The following UROS variants were observed in gnomAD, a reference collection of about 807,000 sequenced individuals.
UROS encodes the protein uroporphyrinogen-III synthase.
UROS carries 18 observed loss-of-function variants against 33.0 expected under a neutral mutation model. The ratio of observed to expected loss-of-function variants is 0.55; its 90% CI spans 0.38 to 0.81. The LOEUF is 0.81. Among genes scored for constraint, UROS ranks in the 30% least tolerant of loss-of-function variants. UROS has a pLI of 0.00. For synonymous variants in UROS, 114 were observed against 121.1 expected (o/e 0.94, Z 0.38); for missense variants, 293 against 314.9 (o/e 0.93, Z 0.53).
At chr10:125,797,988 C>A in intron 7 of UROS, 77 bp downstream of exon 7, 2 of 1,547,822 alleles carry the variant, frequency 1.3e-6, no homozygotes, top group Non-Finnish European at 1.8e-6. Context: ...CTCTGCAGGG[C>A]CACCCACTTC....
chr10:125,796,548 C>T lies in UROS; in HGVS notation c.476-360G>A, dbSNP rs560630109. Among the ~76,000 whole-genome samples the T allele has an allele frequency of 7.9e-5, 12 of 152,352 alleles. No individual in the cohort carries two copies. In the South Asian group the frequency reaches 2.5e-3, roughly 32 times the overall value. ...GATCCCACACAGACTGGTTGCATGACACCAGCAAGTGTAGGAAGGGCAGCT... is the reference window on the plus strand; with the variant it reads ...GATCCCACACAGACTGGTTGCATGATACCAGCAAGTGTAGGAAGGGCAGCT... On this transcript the variant is annotated intron_variant, in intron 7 of 9. Transcript: ENST00000368797.
In UROS at chr10:125,790,846, T is replaced by C. The variant is rs554300335; in HGVS notation, c.661-1841A>G. Among the ~76,000 whole-genome samples the C allele has an allele frequency of 1.3e-3, 195 of 148,490 alleles. 1 individual carries two copies. The highest frequency in any genetic ancestry group is 4.7e-3 in the African/African-American group (187 of 40,152). On this transcript the variant is annotated intron_variant, in intron 9 of 9. Coordinates refer to ENST00000368797, the MANE Select transcript of UROS (RefSeq NM_000375.3). ...TGGCTCATGCCTGTAATACCAACAC[T>C]TTGGCAGGCCGAGGTGGGCAGATCA...
At chr10:125,791,933 T>A (rs917601313) in intron 9 of UROS, 4 of 152,096 alleles carry the variant, frequency 2.6e-5, no homozygotes, top group Non-Finnish European at 5.9e-5. Flanking sequence ...ATAAAAATCA[T>A]GTTAAAGTTT....
At chr10:125,821,742 T>G (rs77812777) in intron 1 of UROS, among the ~76,000 whole-genome samples, 6,464 of 152,322 alleles carry the variant, frequency 0.042, 462 homozygotes, top group African/African-American at 0.14. Context: ...TTTTCTAATC[T>G]TAGCCTTTTG....
rs1392052109 is a variant in UROS, at chr10:125,802,649, C to G, written c.395-4504G>C. 2.5e-6 allele frequency: 3 copies of G among 1,188,550 alleles called. No homozygotes were observed. In the African/African-American group the frequency reaches 4.7e-5, roughly 19 times the overall value. 73.6% of individuals were successfully genotyped at this position (1,188,550 alleles called of 1,614,324 possible). On this transcript the variant is annotated intron_variant, in intron 6 of 9. Transcript: ENST00000368797. The stretch of plus-strand genomic sequence containing the variant: ...AACACTTTCTACCACAGATTACAGT[C>G]TCCTGAACTGTATGTTTTTAGCTTG...
chr10:125,803,020 T>C, intron 6 of UROS: 1 of 1,612,948 alleles, frequency 6.2e-7, no homozygotes, highest in Admixed American at 1.7e-5. Flanking sequence ...CTTTGACTTC[T>C]TCACCTGAGG....
chr10:125,788,889 G>A lies in UROS; in HGVS notation c.777C>T (p.Leu259=). The A allele has an allele frequency of 6.3e-7, 1 of 1,597,372 alleles. No individual in the cohort carries two copies. The part of the protein sequence containing the change: ...QALATGIRKA[L]QPHGCC ...TGACTCAGCAGCAGCCATGGGGCTG[G>A]AGAGCCTTCCTGATGCCAGTGGCCA... Residue 259 remains leucine (L), a synonymous_variant, in exon 10 of 10, where the codon CTC becomes CTT. Coordinates refer to ENST00000368797, the MANE Select transcript of UROS (RefSeq NM_000375.3).
At chr10:125,816,347 T>C in intron 2 of UROS, 87 bp from the exon 3 acceptor site, 1 of 1,602,678 alleles carries the variant, frequency 6.2e-7, no homozygotes, top group Non-Finnish European at 8.5e-7. Flanking sequence ...TCAGTTCCTC[T>C]GAGGTTTTGC....
chr10:125,821,350 CT>C (rs796797137), intron 1 of UROS, among the ~76,000 whole-genome samples: 107 of 152,282 alleles, frequency 7.0e-4, no homozygotes, highest in African/African-American at 2.4e-3. Context: ...ATGGGATAAA[CT>C]TTGAAGACAT....
intron 6 of UROS, among the ~76,000 whole-genome samples, chr10:125,798,537 C>T (rs916877155): frequency 1.3e-5 from 2 of 152,204 alleles, no homozygotes; most frequent in Non-Finnish European, 2.9e-5. Context: ...CTGGGGCAAA[C>T]ATTTTCTACC....
chr10:125,785,210 C>G (rs1466724698), downstream of UROS: 1 of 152,180 alleles, frequency 6.6e-6, no homozygotes, highest in African/African-American at 2.4e-5. Context: ...CTTTCTTTCC[C>G]CAATGTCATC....
chr10:125,811,620 A>C (rs1433319436), intron 5 of UROS, among the ~76,000 whole-genome samples: 3 of 152,232 alleles, frequency 2.0e-5, no homozygotes, highest in African/African-American at 7.2e-5. Context: ...AATATTTTCA[A>C]ATTCACTGGA....
chr10:125,795,827 G>A (rs1007662803), intron 8 of UROS, among the ~76,000 whole-genome samples: 1 of 152,192 alleles, frequency 6.6e-6, no homozygotes, highest in Admixed American at 6.5e-5. Flanking sequence ...TCTCCAAAGA[G>A]GGAGATTTCA....
intron 1 of UROS, among the ~76,000 whole-genome samples, chr10:125,820,206 G>A (rs1302942512): frequency 2.6e-5 from 4 of 152,178 alleles, no homozygotes; most frequent in Non-Finnish European, 2.9e-5. Flanking sequence ...ATTAGCTCAT[G>A]CAGTTATGGA....
chr10:125,796,283 C>A lies in UROS; in HGVS notation c.476-95G>T. On this transcript the variant is annotated intron_variant, in intron 7 of 9. Coordinates refer to ENST00000368797, the MANE Select transcript of UROS (RefSeq NM_000375.3). ...GCACAGTTGGTGAAACCTCCCAATA[C>A]AGCACCACCCTCCTGGAACGAGCTG... The A allele has an allele frequency of 1.7e-6, 2 of 1,201,882 alleles. 1 individual carries two copies. Among genetic ancestry groups the A allele is most frequent in the South Asian group, 2.4e-5 (2 of 82,642 alleles). The allele number at this position is 1,201,882 out of a possible 1,614,324, so 74.5% of individuals were successfully genotyped here.
At position 125,805,842 on chromosome 10, in the gene UROS, C is replaced by T. The variant is rs911079686; in HGVS notation, c.394+1571G>A. Among the ~76,000 whole-genome samples the T allele has an allele frequency of 3.3e-5, 5 of 152,054 alleles. No homozygotes were observed. In the East Asian group the frequency reaches 5.8e-4, roughly 18 times the overall value. On this transcript the variant is annotated intron_variant, in intron 6 of 9. Coordinates refer to ENST00000368797, the MANE Select transcript of UROS (RefSeq NM_000375.3). The stretch of plus-strand genomic sequence containing the variant: ...AAATGCTAGTCTTCAACGTTAACAC[C>T]GAGCATGTAGTGACTCAGGAAAGGT...
In UROS at chr10:125,815,066, T is replaced by G. The variant is rs1853181674; in HGVS notation, c.212A>C (p.Glu71Ala). The G allele has an allele frequency of 6.2e-7, 1 of 1,614,094 alleles. No individual in the cohort carries two copies. Among genetic ancestry groups the G allele is most frequent in the Non-Finnish European group, 8.5e-7 (1 of 1,180,040 alleles). Residue 71 changes from glutamate to alanine, a missense_variant, in exon 4 of 10, where the codon GAG becomes GCG. Glu to Ala is a moderately radical substitution (Grantham distance 107). Transcript: ENST00000368797. ...FTSPRAVEAA[E>A]LCLEQNNKTE... is the part of the protein sequence containing the mutation. ...TTTATTGTTTTGCTCCAAACATAAC[T>G]CTGCTGCTTCCACTGCTCTGGGGCT...
intron 6 of UROS, among the ~76,000 whole-genome samples, chr10:125,800,686 T>A: frequency 6.6e-6 from 1 of 151,810 alleles, no homozygotes. Context: ...CTCAGCCTCC[T>A]GAGTAGCTGG....
At chr10:125,802,040 T>G in intron 6 of UROS, 1 of 985,468 alleles carries the variant, frequency 1.0e-6, no homozygotes, top group Non-Finnish European at 1.2e-6. Context: ...TTGTAGAACT[T>G]AATCCCACAA....
Sources: allele counts gnomAD v4.1 joint callset (sites outside exome capture counted in the v4.1 genomes callset), GRCh38; gene constraint gnomAD v4.1.1; transcripts MANE v1.5; gene names NCBI Gene and HGNC (gene_info 2026-07-23, HGNC 2026-07-21).